TBC1D1: variants seen among roughly 807,000 people sequenced by gnomAD.
TBC1D1 encodes TBC1 (tre-2/USP6, BUB2, cdc16) domain family, member 1.
A neutral mutation model predicts 125.6 loss-of-function variants in TBC1D1; 89 were observed. That is an observed-to-expected ratio of 0.71 (90% CI 0.60 to 0.85). TBC1D1 has a LOEUF of 0.85. TBC1D1 is among the 40% of genes least tolerant of loss of function. The pLI is 0.00. For missense variants in TBC1D1, 1,377 were observed against 1,469.2 expected (o/e 0.94, Z 1.03); for synonymous variants, 565 against 564.1 (o/e 1.00, Z -0.02).
At chr4:37,895,690 T>A (rs1714414599) in intron 1 of TBC1D1, among the ~76,000 whole-genome samples, 2 of 151,994 alleles carry the variant, frequency 1.3e-5, no homozygotes, top group Non-Finnish European at 2.9e-5. Flanking sequence ...GGTGACAGAG[T>A]GAGATTCTGT....
intron 7 of TBC1D1, among the ~76,000 whole-genome samples, chr4:38,028,142 CA>C (rs371559180): frequency 1.8e-4 from 27 of 146,102 alleles, no homozygotes; most frequent in South Asian, 1.3e-3. Context: ...AAAAAAACAG[CA>C]AAAAAAAAAA....
chr4:38,046,090 T>G (rs573439943), intron 10 of TBC1D1, among the ~76,000 whole-genome samples, 187 bp downstream of exon 10: 11 of 152,240 alleles, frequency 7.2e-5, no homozygotes, highest in Non-Finnish European at 1.5e-4. Context: ...TGGGGCTGGG[T>G]GCAGTGGCTC....
At chr4:37,983,315 A>G (rs560165818) in intron 2 of TBC1D1, among the ~76,000 whole-genome samples, 60 of 151,802 alleles carry the variant, frequency 4.0e-4, no homozygotes, top group Non-Finnish European at 7.5e-4. Context: ...GGGTTTCACC[A>G]TGTTGGCCAG....
At chr4:37,989,474 C>T (rs1037054575) in intron 2 of TBC1D1, among the ~76,000 whole-genome samples, 1 of 152,216 alleles carries the variant, frequency 6.6e-6, no homozygotes, top group Non-Finnish European at 1.5e-5. Flanking sequence ...GCCCCGACCA[C>T]CTTGAGCACG....
chr4:38,090,577 G>A (rs1758260925), intron 13 of TBC1D1, among the ~76,000 whole-genome samples: 1 of 152,186 alleles, frequency 6.6e-6, no homozygotes, highest in Admixed American at 6.5e-5. Context: ...TGAAAAAAAA[G>A]AATTAGCTGA....
In TBC1D1 at chr4:37,902,291, C is replaced by T. The variant is rs1364146669; in HGVS notation, c.196C>T (p.Leu66Phe). 1 of 1,614,064 alleles carries T rather than the reference C, an allele frequency of 6.2e-7. No individual in the cohort carries two copies. Among genetic ancestry groups the T allele is most frequent in the East Asian group, 2.2e-5 (1 of 44,866 alleles). The change falls in exon 2 of 20, where the codon CTT (leucine) becomes TTT (phenylalanine). Residue 66 changes from leucine to phenylalanine, a missense_variant. Around this residue, in one of 3 missense-constraint regions of TBC1D1, gnomAD observed 822 missense variants for 824.6 expected, o/e 1.00. Coordinates refer to ENST00000261439, the MANE Select transcript of TBC1D1 (RefSeq NM_015173.4). The stretch of plus-strand genomic sequence containing the variant: ...GGAACCTGTAACCAAGCAAGTCCGG[C>T]TTTGCGTTTCACCCTCTGGACTGAG...
At chr4:38,044,169 A>G (rs1357804071) in intron 8 of TBC1D1, among the ~76,000 whole-genome samples, 193 bp from the exon 9 acceptor site, 1 of 152,238 alleles carries the variant, frequency 6.6e-6, no homozygotes, top group African/African-American at 2.4e-5. Context: ...TACTTGGGGT[A>G]ATCAAAGCAA....
intron 12 of TBC1D1, among the ~76,000 whole-genome samples, chr4:38,058,294 T>C (rs901926187): frequency 6.6e-6 from 1 of 152,162 alleles, no homozygotes; most frequent in African/African-American, 2.4e-5. Context: ...TGTGACCACT[T>C]TGACCCACAC....
At chr4:38,061,199 G>A (rs909129382) in intron 12 of TBC1D1, among the ~76,000 whole-genome samples, 3 of 152,154 alleles carry the variant, frequency 2.0e-5, no homozygotes, top group African/African-American at 7.2e-5. Flanking sequence ...GTTTTCCAGG[G>A]AGGCAAGGCC....
Position 37,994,155 on chromosome 4 carries a change from C to T in TBC1D1, c.418-20354C>T, listed in dbSNP as rs111860665. ...TCGCCTGTCTTTATTAAATAAAGCC[C>T]TAAAGCCCTAGACTGTGGTGCTCGA... On this transcript the variant is annotated intron_variant, in intron 2 of 19. Transcript: ENST00000261439. Among the ~76,000 whole-genome samples the T allele has an allele frequency of 7.9e-4, 121 of 152,286 alleles. 1 individual carries two copies. The highest frequency in any genetic ancestry group is 2.7e-3 in the African/African-American group (114 of 41,556).
At chr4:38,005,976 G>A (rs367597560) in intron 2 of TBC1D1, among the ~76,000 whole-genome samples, 23 of 152,162 alleles carry the variant, frequency 1.5e-4, no homozygotes, top group African/African-American at 3.1e-4. Flanking sequence ...CAAATTACCC[G>A]TGTTTTTTGG....
intron 17 of TBC1D1, among the ~76,000 whole-genome samples, chr4:38,123,762 A>G (rs1025851665): frequency 1.6e-4 from 24 of 152,308 alleles, no homozygotes; most frequent in African/African-American, 5.5e-4. Flanking sequence ...CACATGGTTA[A>G]TTAAGGGTTT....
chr4:37,997,638 G>C (rs1392153716), intron 2 of TBC1D1, among the ~76,000 whole-genome samples: 1 of 151,866 alleles, frequency 6.6e-6, no homozygotes, highest in Non-Finnish European at 1.5e-5. Context: ...ATACTGATAA[G>C]CCCAAATACA....
rs920150172 is a variant in TBC1D1, at chr4:38,138,309, C to G, written c.*974C>G. On this transcript the variant is annotated 3_prime_UTR_variant, in exon 20 of 20. Transcript: ENST00000261439. ...ATATTTCTTTGTGGTAGTTTCATACCCATACTATAGAGTCATGTATTTATT... is the reference window on the plus strand; with the variant it reads ...ATATTTCTTTGTGGTAGTTTCATACGCATACTATAGAGTCATGTATTTATT... 1 of 152,140 alleles carries G rather than the reference C, an allele frequency of 6.6e-6. No homozygotes were observed. The highest frequency in any genetic ancestry group is 6.5e-5 in the Admixed American group (1 of 15,272). The allele number at this position is 152,140 out of a possible 1,614,324, so 9.4% of individuals were successfully genotyped here.
chr4:38,051,069 G>A (rs971196271), intron 11 of TBC1D1, among the ~76,000 whole-genome samples: 1 of 152,208 alleles, frequency 6.6e-6, no homozygotes, highest in Non-Finnish European at 1.5e-5. Context: ...CCACTCCTCT[G>A]TTGTTGGCGT....
Position 37,937,457 on chromosome 4 carries a change from A to G in TBC1D1, c.417+34945A>G, listed in dbSNP as rs536657648. Among the ~76,000 whole-genome samples, 24 of 152,322 alleles carry G rather than the reference A, an allele frequency of 1.6e-4. No homozygotes were observed. The South Asian group carries it at 3.3e-3, about 21-fold the overall frequency. On this transcript the variant is annotated intron_variant, in intron 2 of 19. Transcript: ENST00000261439. ...AATACAAAATGTAAATCCACTCTCT[A>G]CTTCCCAATCTCTATTTCACCCCAA...
chr4:38,021,042 A>G (rs1241425622), intron 5 of TBC1D1, among the ~76,000 whole-genome samples: 2 of 152,234 alleles, frequency 1.3e-5, no homozygotes, highest in Admixed American at 1.3e-4. Context: ...TAATAAAGAC[A>G]TACCTGACAC....
At position 37,946,461 on chromosome 4, in the gene TBC1D1, T is replaced by C. The variant is rs1726716438; in HGVS notation, c.417+43949T>C. ...CGTCTCCCATAAATATGTACACTTATTACATATGTAGAATTATAACACTAA... is the reference window on the plus strand; with the variant it reads ...CGTCTCCCATAAATATGTACACTTACTACATATGTAGAATTATAACACTAA... On this transcript the variant is annotated intron_variant, in intron 2 of 19. Coordinates refer to ENST00000261439, the MANE Select transcript of TBC1D1 (RefSeq NM_015173.4). Among the ~76,000 whole-genome samples, 3 of 152,238 alleles carry C rather than the reference T, an allele frequency of 2.0e-5. No individual in the cohort carries two copies. In the South Asian group the frequency reaches 6.2e-4, roughly 32 times the overall value.
At chr4:38,001,480 T>G (rs1357560839) in intron 2 of TBC1D1, among the ~76,000 whole-genome samples, 1 of 152,204 alleles carries the variant, frequency 6.6e-6, no homozygotes, top group Non-Finnish European at 1.5e-5. Flanking sequence ...CTTTCTCCCC[T>G]CCCAGGAGAT....
Sources: allele counts gnomAD v4.1 joint callset (sites outside exome capture counted in the v4.1 genomes callset), GRCh38; gene constraint gnomAD v4.1.1; regional missense constraint gnomAD v4.1.1; transcripts MANE v1.5; gene names NCBI Gene and HGNC (gene_info 2026-07-23, HGNC 2026-07-21).